PDZD8: variants seen among roughly 807,000 people sequenced by gnomAD.
PDZD8 encodes PDZ domain-containing protein 8.
In PDZD8, 14 loss-of-function variants were observed where a neutral mutation model predicts 85.8. That is an observed-to-expected ratio of 0.16 (90% CI 0.11 to 0.26). The LOEUF (loss-of-function observed/expected upper bound fraction) is 0.26. PDZD8 is among the 10% of genes least tolerant of loss of function. The pLI is 1.00. For missense variants in PDZD8, 1,197 were observed against 1,424.3 expected, an observed-to-expected ratio of 0.84 and a Z score of 2.57; for synonymous variants, 592 against 568.6, an observed-to-expected ratio of 1.04 and a Z score of -0.59.
Position 117,283,106 on chromosome 10 carries a change from A to G in PDZD8, c.*162T>C. On this transcript the variant is annotated 3_prime_UTR_variant, in exon 5 of 5. Coordinates refer to ENST00000334464, the MANE Select transcript of PDZD8 (RefSeq NM_173791.5). The stretch of plus-strand genomic sequence containing the variant: ...AAAACAACCAATTAGTAAGCTGGTC[A>G]TGTTTTTACTGGAAAACAACCTTTC... 1.5e-6 allele frequency: 1 copy of G among 658,056 alleles called. No homozygotes were observed. The highest frequency in any genetic ancestry group is 2.9e-5 in the East Asian group (1 of 34,876). 40.8% of individuals were successfully genotyped at this position (658,056 alleles called of 1,614,324 possible). A position where few individuals can be genotyped will look rare whatever the true frequency, so the allele number is the denominator to read the frequency against.
At chr10:117,361,715 C>T (rs987041716) in intron 1 of PDZD8, among the ~76,000 whole-genome samples, 1 of 152,058 alleles carries the variant, frequency 6.6e-6, no homozygotes, top group Non-Finnish European at 1.5e-5. Context: ...TAGCCCTCCA[C>T]GTCTATGGGT....
At position 117,279,136 on chromosome 10, in the gene PDZD8, T is replaced by G. The variant is rs1844542287; in HGVS notation, c.*4132A>C. 1 of 152,206 alleles carries G rather than the reference T, an allele frequency of 6.6e-6. No homozygotes were observed. The highest frequency in any genetic ancestry group is 2.4e-5 in the African/African-American group (1 of 41,452). The allele number at this position is 152,206 out of a possible 1,614,324, so 9.4% of individuals were successfully genotyped here. Reference sequence around the variant, plus strand: ...ATATAAATAAAACCTTCAGAACTGTTTTGGAGCAAAAGATAGCTTGTACTT... The same window carrying G: ...ATATAAATAAAACCTTCAGAACTGTGTTGGAGCAAAAGATAGCTTGTACTT... On this transcript the variant is annotated 3_prime_UTR_variant, in exon 5 of 5. Transcript: ENST00000334464.
rs1401289763 is a variant in PDZD8 at position 117,374,766 on chromosome 10, C to A, written c.462G>T (p.Val154=). 6.2e-7 allele frequency: 1 copy of A among 1,612,794 alleles called. No individual in the cohort carries two copies. The highest frequency in any genetic ancestry group is 1.3e-5 in the African/African-American group (1 of 74,910). The change falls in exon 1 of 5, where the codon GTG becomes GTT. Residue 154 remains valine (V), a synonymous_variant. Coordinates refer to ENST00000334464, the MANE Select transcript of PDZD8 (RefSeq NM_173791.5). This position sits in a 1 kb window ranked among gnomAD's most constrained non-coding sequence, Gnocchi z 7.8. The stretch of plus-strand genomic sequence containing the variant: ...CGAGCCGGATGGTCTTGATGAAGGG[C>A]ACCGTCTCGCCCAGGAACACGTCCC... ...SLRDVFLGET[V]PFIKTIRLVR... is the part of the protein sequence containing the mutation.
chr10:117,329,860 T>A (rs1418153893), intron 2 of PDZD8, among the ~76,000 whole-genome samples: 5 of 150,690 alleles, frequency 3.3e-5, no homozygotes, highest in Non-Finnish European at 5.9e-5. Flanking sequence ...GTGGGAGGAT[T>A]GCTTGAGCCT....
At chr10:117,311,909 T>C (rs1465007211) in intron 3 of PDZD8, among the ~76,000 whole-genome samples, 3 of 151,684 alleles carry the variant, frequency 2.0e-5, no homozygotes, top group Non-Finnish European at 4.4e-5. Flanking sequence ...ATGGTGGGCC[T>C]GTCCTGTCAG....
At chr10:117,302,342 G>A (rs1312181860) in intron 3 of PDZD8, among the ~76,000 whole-genome samples, 1 of 152,180 alleles carries the variant, frequency 6.6e-6, no homozygotes, top group Non-Finnish European at 1.5e-5. Context: ...CCAGCAAAGA[G>A]GATTCACAAT....
chr10:117,336,785 G>A (rs182590575), intron 2 of PDZD8, among the ~76,000 whole-genome samples: 1 of 152,034 alleles, frequency 6.6e-6, no homozygotes, highest in Admixed American at 6.6e-5. Context: ...AAAAATTCAT[G>A]GGTCAATGGT....
intron 1 of PDZD8, among the ~76,000 whole-genome samples, chr10:117,365,866 G>A (rs924693634): frequency 7.9e-5 from 12 of 152,158 alleles, no homozygotes; most frequent in African/African-American, 2.9e-4. Flanking sequence ...AATAATACTT[G>A]TTTCCTGGTG....
chr10:117,345,927 A>G (rs1364740284), intron 1 of PDZD8, among the ~76,000 whole-genome samples: 1 of 152,136 alleles, frequency 6.6e-6, no homozygotes, highest in Non-Finnish European at 1.5e-5. Context: ...AGACATGATT[A>G]AAGAACTATA....
intron 4 of PDZD8, among the ~76,000 whole-genome samples, chr10:117,289,888 AAAAT>A (rs1198001989): frequency 6.6e-6 from 1 of 152,224 alleles, no homozygotes; most frequent in Non-Finnish European, 1.5e-5. Context: ...CATTCAAGAA[AAAAT>A]AAATAGAGTA....
At chr10:117,316,110 T>C (rs897689124) in intron 3 of PDZD8, among the ~76,000 whole-genome samples, 3 of 152,204 alleles carry the variant, frequency 2.0e-5, no homozygotes, top group African/African-American at 7.2e-5. Flanking sequence ...AATTTACTTA[T>C]ACCTCAGCTA....
chr10:117,375,353 G>A lies in PDZD8; in HGVS notation c.-126C>T, dbSNP rs1190610824. 6 of 764,070 alleles carry A rather than the reference G, an allele frequency of 7.9e-6. No homozygotes were observed. The highest frequency in any genetic ancestry group is 1.9e-5 in the African/African-American group (1 of 53,918). The allele number at this position is 764,070 out of a possible 1,614,324, so 47.3% of individuals were successfully genotyped here. On this transcript the variant is annotated 5_prime_UTR_variant, in exon 1 of 5. Transcript: ENST00000334464. Reference sequence around the variant, plus strand: ...TGGGTCGGGGCGAGCGGCTCCGTGGGCCTCGTCCAGGGGCTCGGGCCGGCG... The same window carrying A: ...TGGGTCGGGGCGAGCGGCTCCGTGGACCTCGTCCAGGGGCTCGGGCCGGCG...
chr10:117,311,507 A>G (rs1358521073), intron 3 of PDZD8, among the ~76,000 whole-genome samples: 1 of 152,152 alleles, frequency 6.6e-6, no homozygotes, highest in Admixed American at 6.5e-5. Context: ...CAAAACAATC[A>G]TGGTACCTGC....
Position 117,285,246 on chromosome 10 carries a change from G to C in PDZD8, c.1487C>G (p.Ser496Cys). ...TVDTESRELDSEFEDLASDVR... is the reference protein window; with the variant it reads ...TVDTESRELDCEFEDLASDVR... ...ATCACTTGCCAAGTCTTCAAATTCA[G>C]AATCCAGCTCTCTACTTTCAGTATC... The change falls in exon 5 of 5, where the codon TCT becomes TGT. Residue 496 changes from serine (S) to cysteine (C), a missense_variant. By Grantham distance (112) the Ser-to-Cys change is moderately radical. Around this residue, in one of 4 missense-constraint regions of PDZD8, gnomAD observed 263 missense variants for 261.9 expected, o/e 1.00. Transcript: ENST00000334464. The C allele has an allele frequency of 6.2e-7, 1 of 1,614,170 alleles. No homozygotes were observed. Among genetic ancestry groups the C allele is most frequent in the Non-Finnish European group, 8.5e-7 (1 of 1,180,028 alleles).
intron 2 of PDZD8, among the ~76,000 whole-genome samples, chr10:117,331,531 G>A (rs755404676): frequency 6.6e-6 from 1 of 152,186 alleles, no homozygotes; most frequent in South Asian, 2.1e-4. Flanking sequence ...AATGCTACCC[G>A]TGAATAAAAT....
At chr10:117,345,700 A>AAAAC (rs1353967623) in intron 1 of PDZD8, among the ~76,000 whole-genome samples, 1 of 152,184 alleles carries the variant, frequency 6.6e-6, no homozygotes, top group Non-Finnish European at 1.5e-5. Context: ...AAAACAAAAC[A>AAAAC]AAACAAACAA....
Position 117,371,890 on chromosome 10 carries a change from C to T in PDZD8, c.872+2466G>A, listed in dbSNP as rs956330950. The stretch of plus-strand genomic sequence containing the variant: ...CCCAGGAGGTCGAAGCTGCCGTGAG[C>T]CATGATCCTGACACTGTACTCCAGC... On this transcript the variant is annotated intron_variant, in intron 1 of 4. Coordinates refer to ENST00000334464, the MANE Select transcript of PDZD8 (RefSeq NM_173791.5). Among the ~76,000 whole-genome samples, 7 of 152,234 alleles carry T rather than the reference C, an allele frequency of 4.6e-5. No individual in the cohort carries two copies. In the South Asian group the frequency reaches 8.3e-4, roughly 18 times the overall value.
At chr10:117,353,694 G>A (rs1844845288) in intron 1 of PDZD8, among the ~76,000 whole-genome samples, 1 of 148,090 alleles carries the variant, frequency 6.8e-6, no homozygotes, top group Non-Finnish European at 1.5e-5. Flanking sequence ...AGGGGTGTGT[G>A]GCAAGATGAA....
At chr10:117,355,940 T>C (rs964886850) in intron 1 of PDZD8, among the ~76,000 whole-genome samples, 2 of 152,138 alleles carry the variant, frequency 1.3e-5, no homozygotes, top group Non-Finnish European at 2.9e-5. Context: ...ACCATTAAGG[T>C]ATATCATGTT....
Sources: gnomAD v4.1 joint callset for allele counts (sites outside exome capture counted in the v4.1 genomes callset) on GRCh38, gnomAD v4.1.1 for gene constraint, gnomAD v4.1.1 regional missense constraint, Gnocchi (gnomAD v3.1) non-coding constraint, MANE v1.5 for transcripts, NCBI Gene and HGNC (gene_info 2026-07-23, HGNC 2026-07-21) for gene names.